Variants in MOB1B observed in about 807,000 individuals in gnomAD.
The protein encoded by MOB1B is MOB kinase activator 1B.
MOB1B carries 19 observed loss-of-function variants against 24.4 expected under a neutral mutation model. The ratio of observed to expected loss-of-function variants is 0.78; its 90% confidence interval spans 0.54 to 1.14. The LOEUF is 1.14. Ranked by LOEUF, MOB1B falls within the 50% of genes most tolerant of loss-of-function variation. MOB1B has a pLI of 0.00. For synonymous variants in MOB1B, 76 were observed against 82.1 expected (o/e 0.93, Z 0.40); for missense variants, 243 against 259.6 (o/e 0.94, Z 0.44).
intron 1 of MOB1B, among the ~76,000 whole-genome samples, chr4:70,911,997 A>G (rs1351086161): frequency 2.6e-5 from 4 of 151,296 alleles, no homozygotes; most frequent in Non-Finnish European, 5.9e-5. Context: ...CCTGGGTTCA[A>G]GTGATTCTCC....
intron 1 of MOB1B, among the ~76,000 whole-genome samples, chr4:70,927,988 G>C (rs1369238399): frequency 6.6e-6 from 1 of 151,826 alleles, no homozygotes; most frequent in South Asian, 2.1e-4. Flanking sequence ...TTCTGCCTTT[G>C]TAAATGCCGT....
chr4:70,911,262 T>A (rs1735976577), intron 1 of MOB1B, among the ~76,000 whole-genome samples: 1 of 152,086 alleles, frequency 6.6e-6, no homozygotes, highest in East Asian at 1.9e-4. Context: ...TACAGTTTTT[T>A]ATCTGACAAC....
chr4:70,985,858 A>C lies in MOB1B; in HGVS notation c.*3801A>C, dbSNP rs1739361818. 1 of 152,220 alleles carries C rather than the reference A, an allele frequency of 6.6e-6. No individual in the cohort carries two copies. The highest frequency in any genetic ancestry group is 2.4e-5 in the African/African-American group (1 of 41,460). 9.4% of individuals were successfully genotyped at this position (152,220 alleles called of 1,614,324 possible). On this transcript the variant is annotated 3_prime_UTR_variant, in exon 6 of 6. Transcript: ENST00000309395. ...TTAATCATCAGCTCAACTGTAATTT[A>C]AATTTGGCTGTTCTCTGGAGCTAAA...
At chr4:70,957,986 A>T (rs143922528) in intron 1 of MOB1B, among the ~76,000 whole-genome samples, 425 of 152,084 alleles carry the variant, frequency 2.8e-3, no homozygotes, top group Middle Eastern at 0.01. Context: ...ATATATACAC[A>T]TACACATAGG....
chr4:70,978,528 T>C (rs964978130), intron 4 of MOB1B, among the ~76,000 whole-genome samples: 7 of 152,210 alleles, frequency 4.6e-5, no homozygotes, highest in African/African-American at 1.7e-4. Context: ...GCCATACCAA[T>C]CTGTGTTCCC....
At chr4:70,973,064 C>T (rs140450092) in intron 3 of MOB1B, among the ~76,000 whole-genome samples, 7,178 of 152,236 alleles carry the variant, frequency 0.047, 297 homozygotes, top group Middle Eastern at 0.065. Context: ...TGAGCCACCA[C>T]GCCCGGCCTA....
chr4:70,968,692 A>G (rs973888262), intron 2 of MOB1B, among the ~76,000 whole-genome samples: 7 of 152,170 alleles, frequency 4.6e-5, no homozygotes, highest in Admixed American at 2.0e-4. Context: ...ATAGCTCATT[A>G]TAGCCTCGAA....
intron 1 of MOB1B, among the ~76,000 whole-genome samples, chr4:70,952,452 G>T (rs1737846756): frequency 6.6e-6 from 1 of 151,476 alleles, no homozygotes; most frequent in African/African-American, 2.4e-5. Flanking sequence ...GACCATCCTG[G>T]CTAAAATGGT....
chr4:70,975,712 G>C lies in MOB1B; in HGVS notation c.409+426G>C, dbSNP rs1365505062. ...CTTACTTCCCTGAAGTAAGGGAAAG[G>C]CTTAAGAAGCCCTTTCAGTAGAAAG... On this transcript the variant is annotated intron_variant, in intron 4 of 5. Coordinates refer to ENST00000309395, the MANE Select transcript of MOB1B (RefSeq NM_173468.4). 5.1e-6 allele frequency: 5 copies of C among 978,020 alleles called. No homozygotes were observed. In the African/African-American group the frequency reaches 8.8e-5, roughly 17 times the overall value. The allele number at this position is 978,020 out of a possible 1,614,324, so 60.6% of individuals were successfully genotyped here. A position where few individuals can be genotyped will look rare whatever the true frequency, so the allele number is the denominator to read the frequency against.
At chr4:70,941,734 T>C (rs1206482530) in intron 1 of MOB1B, among the ~76,000 whole-genome samples, 1 of 152,232 alleles carries the variant, frequency 6.6e-6, no homozygotes, top group Non-Finnish European at 1.5e-5. Context: ...TTTGGTATCT[T>C]TCTTTTCAGA....
intron 1 of MOB1B, among the ~76,000 whole-genome samples, chr4:70,934,846 T>G (rs1322204929): frequency 6.6e-6 from 1 of 152,174 alleles, no homozygotes; most frequent in African/African-American, 2.4e-5. Flanking sequence ...ATTAGTCTTT[T>G]ATCCTCAAAT....
In MOB1B at chr4:70,987,815, A is replaced by G. The variant is rs1739426871; in HGVS notation, c.*5758A>G. 6.6e-6 allele frequency: 1 copy of G among 152,618 alleles called. No individual in the cohort carries two copies. The highest frequency in any genetic ancestry group is 1.5e-5 in the Non-Finnish European group (1 of 68,024). 9.5% of individuals were successfully genotyped at this position (152,618 alleles called of 1,614,324 possible). A position where few individuals can be genotyped will look rare whatever the true frequency, so the allele number is the denominator to read the frequency against. On this transcript the variant is annotated 3_prime_UTR_variant, in exon 6 of 6. Coordinates refer to ENST00000309395, the MANE Select transcript of MOB1B (RefSeq NM_173468.4). ...TGTGCAAGTATTGAGAAGAGTGCATAAAGACAGGGAACTACTCTCATGGAG... is the reference window on the plus strand; with the variant it reads ...TGTGCAAGTATTGAGAAGAGTGCATGAAGACAGGGAACTACTCTCATGGAG...
At position 70,959,281 on chromosome 4, in the gene MOB1B, T is replaced by C. The variant is rs1435964238; in HGVS notation, c.181+241T>C. Among the ~76,000 whole-genome samples, 3 of 152,228 alleles carry C rather than the reference T, an allele frequency of 2.0e-5. No individual in the cohort carries two copies. In the East Asian group the frequency reaches 5.8e-4, roughly 29 times the overall value. ...TGGAGTACAGTGGCTCAGTTATGGC[T>C]GACTGCAGCCTTGAACTCCTGGGCT... On this transcript the variant is annotated intron_variant, in intron 2 of 5. Transcript: ENST00000309395.
chr4:70,940,169 T>G (rs1295312590), intron 1 of MOB1B, among the ~76,000 whole-genome samples: 3 of 151,582 alleles, frequency 2.0e-5, no homozygotes, highest in Non-Finnish European at 4.4e-5. Context: ...GTCTCGGGGG[T>G]TTTTATAGGC....
Position 70,982,055 on chromosome 4 carries a change from T to C in MOB1B, c.649T>C (p.Ter217GlnextTer12). Residue 217 changes from the stop codon to glutamine, a stop_lost, in exon 6 of 6, where the codon TAA becomes CAA. Coordinates refer to ENST00000309395, the MANE Select transcript of MOB1B (RefSeq NM_173468.4). ...TGAAAAACTCACCTCAAAAGACAGA[T>C]AAAAGGATGCAGAGCTGTGCAAATT... ...LIEKLTSKDR[*>Q] 6.2e-7 allele frequency: 1 copy of C among 1,606,740 alleles called. No homozygotes were observed. The highest frequency in any genetic ancestry group is 8.5e-7 in the Non-Finnish European group (1 of 1,173,780).
intron 2 of MOB1B, among the ~76,000 whole-genome samples, chr4:70,968,179 C>G (rs1177303267): frequency 3.3e-5 from 5 of 151,926 alleles, no homozygotes; most frequent in African/African-American, 1.2e-4. Flanking sequence ...TTATACATGT[C>G]AAAAGTCACA....
intron 1 of MOB1B, among the ~76,000 whole-genome samples, chr4:70,914,946 A>T (rs1373732196): frequency 6.6e-6 from 1 of 152,152 alleles, no homozygotes; most frequent in South Asian, 2.1e-4. Flanking sequence ...TGTGACAGTA[A>T]TGTGTTTTTT....
At chr4:70,980,114 C>T (rs1254924022) in intron 5 of MOB1B, among the ~76,000 whole-genome samples, 2 of 152,168 alleles carry the variant, frequency 1.3e-5, no homozygotes, top group African/African-American at 4.8e-5. Flanking sequence ...GCCTTTGCCA[C>T]TTCCCCTGTT....
chr4:70,911,897 CTTT>C (rs202152238), intron 1 of MOB1B, among the ~76,000 whole-genome samples: 8 of 139,690 alleles, frequency 5.7e-5, no homozygotes, highest in Admixed American at 1.4e-4. Flanking sequence ...TTAAGGCCAT[CTTT>C]TTTTTTTTTT....
Sources: gnomAD v4.1 joint callset for allele counts (sites outside exome capture counted in the v4.1 genomes callset) on GRCh38, gnomAD v4.1.1 for gene constraint, MANE v1.5 for transcripts, NCBI Gene and HGNC (gene_info 2026-07-23, HGNC 2026-07-21) for gene names.